MBD5: variants seen among roughly 807,000 people sequenced by gnomAD.
MBD5 encodes the protein methyl-CpG-binding domain protein 5.
MBD5 carries 13 observed loss-of-function variants against 117.3 expected under a neutral mutation model. The observed-to-expected ratio is 0.11, with a 90% CI of 0.07 to 0.18. MBD5 has a LOEUF of 0.18. Among genes scored for constraint, MBD5 ranks in the 10% least tolerant of loss-of-function variants. The pLI, the probability that MBD5 is intolerant of heterozygous loss-of-function variation, is 1.00. For missense variants in MBD5, 1,879 were observed against 2,093.8 expected (o/e 0.90, Z 2.00); for synonymous variants, 727 against 766.4 (o/e 0.95, Z 0.85).
At chr2:148,425,648 G>T (rs1705755722) in intron 4 of MBD5, among the ~76,000 whole-genome samples, 1 of 152,138 alleles carries the variant, frequency 6.6e-6, no homozygotes, top group African/African-American at 2.4e-5. Flanking sequence ...TAAAATACTG[G>T]CAAACCAAAT....
At chr2:148,481,823 T>C (rs778237073) in intron 8 of MBD5, 1 of 152,112 alleles carries the variant, frequency 6.6e-6, no homozygotes, top group Non-Finnish European at 1.5e-5. Flanking sequence ...TTTTAATTTC[T>C]CCAGATAATT....
At chr2:148,101,227 G>A (rs947132743) in intron 1 of MBD5, among the ~76,000 whole-genome samples, 1 of 152,080 alleles carries the variant, frequency 6.6e-6, no homozygotes, top group Non-Finnish European at 1.5e-5. Context: ...GAGGCAGGAG[G>A]ATCACTTGAG....
At chr2:148,392,535 A>G (rs955342539) in intron 4 of MBD5, among the ~76,000 whole-genome samples, 1 of 152,198 alleles carries the variant, frequency 6.6e-6, no homozygotes, top group African/African-American at 2.4e-5. Context: ...TGTACACCAT[A>G]GCCTGAGTAA....
chr2:148,233,541 T>A (rs1700035399), intron 3 of MBD5, 146 bp downstream of exon 3: 1 of 152,318 alleles, frequency 6.6e-6, no homozygotes, highest in Admixed American at 6.5e-5. Context: ...ATTTTCTTTT[T>A]TTCCTCTTTT....
At position 148,485,919 on chromosome 2, in the gene MBD5, A is replaced by T; in HGVS notation, c.3722A>T (p.Asn1241Ile). ...QSTIPCPANN[N>I]PMACLFQNFQ... ...ACAATTCCTTGCCCAGCTAACAATA[A>T]CCCCATGGCTTGTCTGTTTCAGAAC... The change falls in exon 10 of 14, where the codon AAC becomes ATC. Residue 1241 changes from asparagine to isoleucine, a missense_variant. Transcript: ENST00000642680. 6.2e-7 allele frequency: 1 copy of T among 1,613,822 alleles called. No individual in the cohort carries two copies. Among genetic ancestry groups the T allele is most frequent in the Non-Finnish European group, 8.5e-7 (1 of 1,179,920 alleles).
At chr2:148,490,739 A>C in intron 11 of MBD5, 145 bp downstream of exon 11, 3 of 982,166 alleles carry the variant, frequency 3.1e-6, no homozygotes, top group Non-Finnish European at 3.0e-6. Flanking sequence ...CTGGAGCATA[A>C]AATGAAGAGG....
intron 1 of MBD5, among the ~76,000 whole-genome samples, chr2:148,116,499 T>G (rs1696645034): frequency 6.6e-6 from 1 of 152,218 alleles, no homozygotes; most frequent in South Asian, 2.1e-4. Flanking sequence ...CTTCTCAGAT[T>G]AACTGAGCTT....
At chr2:148,032,532 G>A (rs1054245224) in intron 1 of MBD5, among the ~76,000 whole-genome samples, 5 of 152,044 alleles carry the variant, frequency 3.3e-5, no homozygotes, top group African/African-American at 1.2e-4. Flanking sequence ...GCATAGTACC[G>A]AATATTAAAC....
rs1413235513 is a variant in MBD5 at position 148,095,720 on chromosome 2, T to C, written c.-925+74036T>C. Among the ~76,000 whole-genome samples, 3 of 151,640 alleles carry C rather than the reference T, an allele frequency of 2.0e-5. No homozygotes were observed. In the South Asian group the frequency reaches 6.2e-4, roughly 31 times the overall value. On this transcript the variant is annotated intron_variant, in intron 1 of 13. Transcript: ENST00000642680. The stretch of plus-strand genomic sequence containing the variant: ...CCTATTTTAAAATTAATTAAGTTAT[T>C]CTGAGTTAGTTTTTTTTTTTTAACT...
At chr2:148,449,385 C>A (rs1273638937) in intron 4 of MBD5, among the ~76,000 whole-genome samples, 1 of 151,918 alleles carries the variant, frequency 6.6e-6, no homozygotes, top group African/African-American at 2.4e-5. Flanking sequence ...GAAGAGAAAG[C>A]TCAGTTCGTA....
chr2:148,456,957 G>A (rs1449441659), intron 4 of MBD5, among the ~76,000 whole-genome samples: 2 of 152,012 alleles, frequency 1.3e-5, no homozygotes, highest in East Asian at 1.9e-4. Flanking sequence ...AAAAGGTTTC[G>A]GGCCAACTTA....
At chr2:148,389,627 G>A (rs1223382848) in intron 4 of MBD5, among the ~76,000 whole-genome samples, 4 of 151,950 alleles carry the variant, frequency 2.6e-5, no homozygotes, top group Non-Finnish European at 4.4e-5. Flanking sequence ...TAGCCATTCT[G>A]ACTGGTGTGA....
chr2:148,021,577 TCTCCTCCTCCTCCTTCGC>T lies in MBD5; in HGVS notation c.-1018_-1001del. 1 of 524,428 alleles carries T rather than the reference TCTCCTCCTCCTCCTTCGC, an allele frequency of 1.9e-6. No individual in the cohort carries two copies. Among genetic ancestry groups the T allele is most frequent in the East Asian group, 5.0e-5 (1 of 19,900 alleles). The allele number at this position is 524,428 out of a possible 1,614,324, so 32.5% of individuals were successfully genotyped here. On this transcript the variant is annotated 5_prime_UTR_variant, in exon 1 of 14. Transcript: ENST00000642680. ...ACCCAGGAGCAGCCACTTCCCCAGC[TCTCCTCCTCCTCCTTCGC>T]CTCCTCCTCCTCCACTCCCCCCCTT...
chr2:148,423,272 A>G (rs1450732092), intron 4 of MBD5, among the ~76,000 whole-genome samples: 1 of 152,154 alleles, frequency 6.6e-6, no homozygotes, highest in Non-Finnish European at 1.5e-5. Flanking sequence ...AGTGGAGGCC[A>G]ATATAAAGCA....
At chr2:148,445,183 A>G (rs986978337) in intron 4 of MBD5, among the ~76,000 whole-genome samples, 2 of 151,120 alleles carry the variant, frequency 1.3e-5, no homozygotes, top group African/African-American at 4.9e-5. Context: ...CATGTGCACA[A>G]CGTGCAGGTT....
chr2:148,321,488 G>C (rs1702281020), intron 3 of MBD5, among the ~76,000 whole-genome samples: 1 of 152,078 alleles, frequency 6.6e-6, no homozygotes, highest in Non-Finnish European at 1.5e-5. Context: ...CATTTTTGTG[G>C]TATCTGTTTT....
At chr2:148,267,454 G>T (rs751206605) in intron 3 of MBD5, among the ~76,000 whole-genome samples, 3 of 151,984 alleles carry the variant, frequency 2.0e-5, no homozygotes, top group Non-Finnish European at 4.4e-5. Flanking sequence ...ATATTAAAAA[G>T]TACAGAAAAT....
At chr2:148,054,179 T>C (rs1188070511) in intron 1 of MBD5, 2 of 152,322 alleles carry the variant, frequency 1.3e-5, no homozygotes, top group Non-Finnish European at 2.9e-5. Context: ...AGTGCTGGGA[T>C]TACAGACATG....
chr2:148,083,887 A>C (rs1695713024), intron 1 of MBD5, among the ~76,000 whole-genome samples: 1 of 152,054 alleles, frequency 6.6e-6, no homozygotes, highest in Non-Finnish European at 1.5e-5. Flanking sequence ...CGGCCTCCCA[A>C]AGTGCTGGGA....
Sources: allele counts gnomAD v4.1 joint callset (sites outside exome capture counted in the v4.1 genomes callset), GRCh38; gene constraint gnomAD v4.1.1; transcripts MANE v1.5; gene names NCBI Gene and HGNC (gene_info 2026-07-23, HGNC 2026-07-21).